Variants in KCNAB2 observed in about 807,000 individuals in gnomAD.
KCNAB2 encodes potassium voltage-gated channel subfamily A regulatory beta subunit 2, also known as voltage-gated potassium channel subunit beta-2.
In KCNAB2, 29 loss-of-function variants were observed where a neutral mutation model predicts 63.6. That is an observed-to-expected ratio of 0.46 (90% CI 0.34 to 0.62). The LOEUF is 0.62. Ranked by LOEUF, KCNAB2 falls within the 20% of genes least tolerant of loss-of-function variation. The probability of loss-of-function intolerance (pLI) is 0.01; values close to 1 mark genes in which losing one functional copy is unlikely to be tolerated. For synonymous variants in KCNAB2, 222 were observed against 224.2 expected, an observed-to-expected ratio of 0.99 and a Z score of 0.09; for missense variants, 359 against 563.9, an observed-to-expected ratio of 0.64 and a Z score of 3.68.
intron 4 of KCNAB2, among the ~76,000 whole-genome samples, chr1:6,080,979 C>T (rs1049660345): frequency 1.3e-5 from 2 of 152,166 alleles, no homozygotes; most frequent in Non-Finnish European, 2.9e-5. Context: ...CCTGGGGAAG[C>T]GTGACACTCA....
At position 6,051,501 on chromosome 1, in the gene KCNAB2, G is replaced by A. The variant is rs759053342; in HGVS notation, c.-26-10G>A. 63 of 1,488,938 alleles carry A rather than the reference G, an allele frequency of 4.2e-5. No homozygotes were observed. Among genetic ancestry groups the A allele is most frequent in the South Asian group, 1.3e-4 (10 of 77,132 alleles). The allele number at this position is 1,488,938 out of a possible 1,614,324, so 92.2% of individuals were successfully genotyped here. ...TTGGCACACTGTCTAACTCATCACCGTCTGGACAGTGGCAGCTCCCAAGCC... is the reference window on the plus strand; with the variant it reads ...TTGGCACACTGTCTAACTCATCACCATCTGGACAGTGGCAGCTCCCAAGCC... On this transcript the variant is annotated splice_polypyrimidine_tract_variant and intron_variant, in intron 1 of 15. Coordinates refer to ENST00000378083, the MANE Select transcript of KCNAB2 (RefSeq NM_001199862.2).
intron 2 of KCNAB2, among the ~76,000 whole-genome samples, chr1:6,061,682 G>A (rs1030676626): frequency 2.0e-5 from 3 of 152,222 alleles, no homozygotes; most frequent in Non-Finnish European, 4.4e-5. Context: ...CACTGATACA[G>A]AGTAATCATC....
chr1:6,036,293 G>A (rs1436350141), intron 1 of KCNAB2, among the ~76,000 whole-genome samples: 2 of 152,030 alleles, frequency 1.3e-5, no homozygotes, highest in African/African-American at 2.4e-5. Flanking sequence ...ACTTGAGGCC[G>A]GGAGTTGGAG....
In KCNAB2 at chr1:6,073,909, G is replaced by A. The variant is rs1039023058; in HGVS notation, c.300+139G>A. The A allele has an allele frequency of 5.8e-6, 5 of 859,296 alleles. No individual in the cohort carries two copies. Among genetic ancestry groups the A allele is most frequent in the Admixed American group, 2.0e-5 (1 of 49,130 alleles). 53.2% of individuals were successfully genotyped at this position (859,296 alleles called of 1,614,324 possible). A position where few individuals can be genotyped will look rare whatever the true frequency, so the allele number is the denominator to read the frequency against. On this transcript the variant is annotated intron_variant, in intron 4 of 15. Coordinates refer to ENST00000378083, the MANE Select transcript of KCNAB2 (RefSeq NM_001199862.2). This position sits in a 1 kb window ranked among gnomAD's most constrained non-coding sequence, Gnocchi z 5.7. The stretch of plus-strand genomic sequence containing the variant: ...CTCCCTCCCTCTTTCTGTTTTGTGA[G>A]GGCGCCCTGCCCCAGGGGAGAGTAG...
chr1:6,091,129 A>G, intron 9 of KCNAB2, 134 bp from the exon 10 acceptor site: 1 of 700,986 alleles, frequency 1.4e-6, no homozygotes, highest in Non-Finnish European at 2.6e-6. Flanking sequence ...GTGTTGATAT[A>G]TTTTTTTCCT....
At chr1:6,063,476 C>G (rs1662494159) in intron 2 of KCNAB2, among the ~76,000 whole-genome samples, 1 of 148,230 alleles carries the variant, frequency 6.7e-6, no homozygotes, top group Non-Finnish European at 1.5e-5. Context: ...GTGGCATGAT[C>G]TCAGCTCACT....
intron 1 of KCNAB2, among the ~76,000 whole-genome samples, chr1:5,997,144 G>A (rs935702512): frequency 2.0e-5 from 3 of 152,172 alleles, no homozygotes; most frequent in Non-Finnish European, 4.4e-5. Context: ...TCTTCCAGTC[G>A]GACGAGGCGC....
Position 6,035,094 on chromosome 1 carries a change from G to A in KCNAB2, c.-53+300G>A, listed in dbSNP as rs192897251. Among the ~76,000 whole-genome samples, 16 of 152,276 alleles carry A rather than the reference G, an allele frequency of 1.1e-4. No individual in the cohort carries two copies. The East Asian group carries it at 2.9e-3, about 28-fold the overall frequency. ...GTGACCTTGGCATAAAGAGGCAAAC[G>A]TGGGAGCATGCTCAGGCAGACCACG... is the stretch of plus-strand genomic sequence containing the variant. On this transcript the variant is annotated intron_variant, in intron 1 of 15. Coordinates refer to the KCNAB2 transcript ENST00000164247. This position sits in a 1 kb window ranked among gnomAD's most constrained non-coding sequence, Gnocchi z 5.0.
Position 6,100,797 on chromosome 1 carries a change from G to T in KCNAB2, c.*2223G>T. 6.6e-6 allele frequency: 1 copy of T among 152,384 alleles called. No homozygotes were observed. The highest frequency in any genetic ancestry group is 1.5e-5 in the Non-Finnish European group (1 of 68,054). The allele number at this position is 152,384 out of a possible 1,614,324, so 9.4% of individuals were successfully genotyped here. On this transcript the variant is annotated 3_prime_UTR_variant, in exon 16 of 16. Coordinates refer to ENST00000378083, the MANE Select transcript of KCNAB2 (RefSeq NM_001199862.2). ...GAGGGGGCTCTGCCTCCTAGGGCCA[G>T]GTCCCCCCTCTCGGGAGGAGGTATT...
In KCNAB2 at chr1:6,086,471, C is replaced by T. The variant is rs1664707068; in HGVS notation, c.426-996C>T. The T allele has an allele frequency of 1.2e-6, 1 of 805,032 alleles. No individual in the cohort carries two copies. Among genetic ancestry groups the T allele is most frequent in the Non-Finnish European group, 1.5e-6 (1 of 665,360 alleles). The allele number at this position is 805,032 out of a possible 1,614,324, so 49.9% of individuals were successfully genotyped here. A position where few individuals can be genotyped will look rare whatever the true frequency, so the allele number is the denominator to read the frequency against. On this transcript the variant is annotated intron_variant, in intron 6 of 15. Coordinates refer to ENST00000378083, the MANE Select transcript of KCNAB2 (RefSeq NM_001199862.2). The surrounding 1 kb of genome is among the most constrained non-coding windows in gnomAD (Gnocchi z 4.2). ...CTCTGCCAGAGCTCTGTGGCCGATG[C>T]TTCGGGGCAGAGGAGGCCTCCTACT...
Position 6,096,482 on chromosome 1 carries a change from C to T in KCNAB2, c.949-154C>T, listed in dbSNP as rs1295245821. 6.7e-6 allele frequency: 7 copies of T among 1,044,032 alleles called. No individual in the cohort carries two copies. In the Admixed American group the frequency reaches 8.8e-5, roughly 13 times the overall value. The allele number at this position is 1,044,032 out of a possible 1,614,324, so 64.7% of individuals were successfully genotyped here. ...TGCCCACTCTCCCCTACTTGAGAGG[C>T]CTGGGGCAGGGGCACTGCCCTGGCT... On this transcript the variant is annotated intron_variant, in intron 13 of 15. Coordinates refer to ENST00000378083, the MANE Select transcript of KCNAB2 (RefSeq NM_001199862.2). The surrounding 1 kb of genome is among the most constrained non-coding windows in gnomAD (Gnocchi z 5.9).
intron 1 of KCNAB2, among the ~76,000 whole-genome samples, chr1:6,037,829 G>A (rs1303176457): frequency 1.3e-5 from 2 of 151,252 alleles, no homozygotes; most frequent in Non-Finnish European, 2.9e-5. Context: ...CCAAAGTTCT[G>A]GGATTACAGG....
In KCNAB2 at chr1:6,089,545, C is replaced by T. The variant is rs1006878579; in HGVS notation, c.514+494C>T. ...CTTTCCTGTCCGTGTTCATTTTCTT[C>T]GAGGTAATAGATCATTCCATTGAAA... On this transcript the variant is annotated intron_variant, in intron 8 of 15. Coordinates refer to ENST00000378083, the MANE Select transcript of KCNAB2 (RefSeq NM_001199862.2). 1.7e-4 allele frequency among the ~76,000 whole-genome samples: 26 copies of T among 152,184 alleles called. 1 individual carries two copies. Among genetic ancestry groups the T allele is most frequent in the Admixed American group, 9.8e-4 (15 of 15,274 alleles).
chr1:5,999,406 A>C (rs80265620), intron 1 of KCNAB2, among the ~76,000 whole-genome samples: 6,274 of 152,240 alleles, frequency 0.041, 213 homozygotes, highest in African/African-American at 0.085. Flanking sequence ...CCCTAGCCCT[A>C]GCCGTTTCAG....
intron 2 of KCNAB2, among the ~76,000 whole-genome samples, chr1:6,066,872 C>G (rs901887284): frequency 6.6e-6 from 1 of 152,248 alleles, no homozygotes; most frequent in Non-Finnish European, 1.5e-5. Context: ...TGGAGTTTCC[C>G]GATGGTCAGC....
chr1:6,013,769 A>T (rs1658327366), intron 1 of KCNAB2, among the ~76,000 whole-genome samples: 1 of 151,672 alleles, frequency 6.6e-6, no homozygotes, highest in African/African-American at 2.4e-5. Flanking sequence ...TCACACCTGC[A>T]TTGCCTCGGA....
chr1:6,062,762 G>A (rs917121140), intron 2 of KCNAB2, among the ~76,000 whole-genome samples: 1 of 152,222 alleles, frequency 6.6e-6, no homozygotes, highest in African/African-American at 2.4e-5. Flanking sequence ...GAAGCCCAGA[G>A]GGTTTTCAGG....
chr1:6,039,798 G>A (rs538651206), intron 1 of KCNAB2, among the ~76,000 whole-genome samples: 187 of 152,342 alleles, frequency 1.2e-3, no homozygotes, highest in Non-Finnish European at 1.7e-3. Flanking sequence ...CTGTCGGCCC[G>A]AGGCTGCCCT....
chr1:5,993,698 G>A lies in KCNAB2; in HGVS notation c.-53+910G>A, dbSNP rs372089238. Reference sequence around the variant, plus strand: ...TGCTTTGCCCGCAGCATCCCGGGGTGCTCCAGGTGGAAAGCCCCTTAGCAC... The same window carrying A: ...TGCTTTGCCCGCAGCATCCCGGGGTACTCCAGGTGGAAAGCCCCTTAGCAC... On this transcript the variant is annotated intron_variant, in intron 1 of 16. Transcript: ENST00000341524. 4.4e-4 allele frequency among the ~76,000 whole-genome samples: 67 copies of A among 152,270 alleles called. 1 individual carries two copies. The East Asian group carries it at 8.3e-3, about 19-fold the overall frequency.
Sources: allele counts gnomAD v4.1 joint callset (sites outside exome capture counted in the v4.1 genomes callset), GRCh38; gene constraint gnomAD v4.1.1; non-coding constraint Gnocchi (gnomAD v3.1); transcripts MANE v1.5; gene names NCBI Gene and HGNC (gene_info 2026-07-23, HGNC 2026-07-21).